Variants in DDT observed in about 807,000 individuals in gnomAD.
The protein encoded by DDT is D-dopachrome decarboxylase.
A neutral mutation model predicts 2.5 loss-of-function variants in DDT; 4 were observed. The observed-to-expected ratio is 1.59, with a 90% confidence interval of 0.78 to 3.63. The LOEUF (loss-of-function observed/expected upper bound fraction) is 3.63. Among genes scored for constraint, DDT ranks in the 30% most tolerant of loss-of-function variants. The pLI, the probability that DDT is intolerant of heterozygous loss-of-function variation, is 0.01. For missense variants in DDT, 32 were observed against 30.0 expected (o/e 1.07, Z -0.15); for synonymous variants, 11 against 10.0 (o/e 1.10, Z -0.19).
chr22:23,971,736 C>T, intron 2 of DDT, 113 bp from the exon 3 acceptor site: 5 of 958,920 alleles, frequency 5.2e-6, no homozygotes, highest in Non-Finnish European at 7.7e-6. Context: ...CCTCAGTCCA[C>T]CAGGCATTTT....
rs112390687 is a variant in DDT at position 23,971,392 on chromosome 22, A to G, written c.*159T>C. 2.5e-6 allele frequency: 4 copies of G among 1,613,750 alleles called. No individual in the cohort carries two copies. Among genetic ancestry groups the G allele is most frequent in the Middle Eastern group, 3.3e-4 (2 of 6,058 alleles). On this transcript the variant is annotated 3_prime_UTR_variant, in exon 3 of 3. Coordinates refer to ENST00000398344, the MANE Select transcript of DDT (RefSeq NM_001084392.3). ...ATGTTTGAATGAGGAAGCTCTCTTC[A>G]TTTATTTCATATGAGGATGAAGAAG...
At chr22:23,972,655 A>ATC (rs1269476307) in intron 2 of DDT, 1 of 630,114 alleles carries the variant, frequency 1.6e-6, no homozygotes, top group African/African-American at 2.0e-5. Context: ...GGCTGACTGT[A>ATC]TTATTCCTCT....
At position 23,971,784 on chromosome 22, in the gene DDT, C is replaced by T. The variant is rs550623694; in HGVS notation, c.285-161G>A. 1.8e-5 allele frequency: 12 copies of T among 659,790 alleles called. No individual in the cohort carries two copies. In the South Asian group the frequency reaches 2.1e-4, roughly 12 times the overall value. The allele number at this position is 659,790 out of a possible 1,614,324, so 40.9% of individuals were successfully genotyped here. A position where few individuals can be genotyped will look rare whatever the true frequency, so the allele number is the denominator to read the frequency against. Reference sequence around the variant, plus strand: ...ATCCCAATAATGATTTTCCCCAACCCCCAGCAGGGCAGTGGGACACTCAGG... The same window carrying T: ...ATCCCAATAATGATTTTCCCCAACCTCCAGCAGGGCAGTGGGACACTCAGG... On this transcript the variant is annotated intron_variant, in intron 2 of 2. Transcript: ENST00000398344.
At position 23,971,512 on chromosome 22, in the gene DDT, C is replaced by G; in HGVS notation, c.*39G>C. 1 of 1,611,494 alleles carries G rather than the reference C, an allele frequency of 6.2e-7. No individual in the cohort carries two copies. The highest frequency in any genetic ancestry group is 1.7e-5 in the Admixed American group (1 of 59,786). On this transcript the variant is annotated 3_prime_UTR_variant, in exon 3 of 3. Transcript: ENST00000398344. The stretch of plus-strand genomic sequence containing the variant: ...TGCCAAGAGATCTCTCTGGAAGAAG[C>G]AGCCAGTTCACAGATGCCCTGGATC...
At chr22:23,972,848 C>A (rs2033932542) in intron 2 of DDT, 1 of 112,008 alleles carries the variant, frequency 8.9e-6, no homozygotes, top group African/African-American at 4.1e-5. Context: ...CATCCTCCCA[C>A]TTCAGCCTGC....
chr22:23,972,165 T>C (rs1288452718), intron 2 of DDT: 1 of 968,090 alleles, frequency 1.0e-6, no homozygotes, highest in African/African-American at 1.8e-5. Context: ...ATTGGCATAA[T>C]GGAGATTATC....
rs1389449149 is a variant in DDT at position 23,971,488 on chromosome 22, G to A, written c.*63C>T. The A allele has an allele frequency of 3.1e-6, 5 of 1,608,942 alleles. No individual in the cohort carries two copies. The African/African-American group carries it at 5.4e-5, about 17-fold the overall frequency. ...CTGGTTATCTCCAGGCCCTCACTCT[G>A]CCAAGAGATCTCTCTGGAAGAAGCA... On this transcript the variant is annotated 3_prime_UTR_variant, in exon 3 of 3. Transcript: ENST00000398344.
chr22:23,972,649 G>C (rs2033929533), intron 2 of DDT: 2 of 576,080 alleles, frequency 3.5e-6, no homozygotes, highest in Non-Finnish European at 4.5e-6. Context: ...ACAGGGGGCT[G>C]ACTGTATTAT....
At chr22:23,972,215 G>A (rs2033920252) in intron 2 of DDT, 2 of 912,434 alleles carry the variant, frequency 2.2e-6, no homozygotes, top group Non-Finnish European at 2.6e-6. Flanking sequence ...AGCAAAGGGA[G>A]AGTGGATAGG....
rs1386791190 is a variant in DDT, at chr22:23,972,121, C to CGG, written c.285-500_285-499dup. ...CTTGGGACAGCCTGGTTGGGGCGGG[C>CGG]GGGAGTATGAACAGCCTGTCTTCTC... On this transcript the variant is annotated intron_variant, in intron 2 of 2. Transcript: ENST00000398344. 1.2e-5 allele frequency: 12 copies of CGG among 969,002 alleles called. No individual in the cohort carries two copies. The East Asian group carries it at 1.1e-3, about 87-fold the overall frequency. The allele number at this position is 969,002 out of a possible 1,614,324, so 60.0% of individuals were successfully genotyped here.
At chr22:23,972,159 G>A (rs2033919474) in intron 2 of DDT, 5 of 969,982 alleles carry the variant, frequency 5.2e-6, no homozygotes, top group Non-Finnish European at 6.1e-6. Flanking sequence ...CATAAAATTG[G>A]CATAATGGAG....
chr22:23,975,610 CTTT>C (rs2033946094), upstream of DDT, among the ~76,000 whole-genome samples: 1 of 48,612 alleles, frequency 2.1e-5, no homozygotes, highest in Admixed American at 2.5e-4. Flanking sequence ...AGATTCTCTT[CTTT>C]ATTTTCTACA....
rs368846231 is a variant in DDT, at chr22:23,971,523, C to T, written c.*28G>A. On this transcript the variant is annotated 3_prime_UTR_variant, in exon 3 of 3. Transcript: ENST00000398344. ...CTCTCTGGAAGAAGCAGCCAGTTCA[C>T]AGATGCCCTGGATCCCTCCGTGCCC... 1 of 1,612,918 alleles carries T rather than the reference C, an allele frequency of 6.2e-7. No homozygotes were observed. The highest frequency in any genetic ancestry group is 2.2e-5 in the East Asian group (1 of 44,878).
intron 2 of DDT, 55 bp from the exon 3 acceptor site, chr22:23,971,678 GC>G: frequency 6.5e-7 from 1 of 1,530,400 alleles, no homozygotes; most frequent in South Asian, 1.2e-5. Context: ...ACCACATCTT[GC>G]AAGACCCCTG....
rs1383081707 is a variant in DDT, at chr22:23,972,653, G to GT, written c.285-1031dup. ...AACCCAGTGATACAGGGGGCTGACT[G>GT]TATTATTCCTCTGTAGCTTGAGGGA... On this transcript the variant is annotated intron_variant, in intron 2 of 2. Transcript: ENST00000398344. 1.2e-3 allele frequency: 727 copies of GT among 601,896 alleles called. 7 individuals are homozygous for GT. In the African/African-American group the frequency reaches 0.013, roughly 11 times the overall value. The allele number at this position is 601,896 out of a possible 1,614,324, so 37.3% of individuals were successfully genotyped here. A position where few individuals can be genotyped will look rare whatever the true frequency, so the allele number is the denominator to read the frequency against.
chr22:23,972,029 G>C (rs983218148), intron 2 of DDT: 2 of 361,464 alleles, frequency 5.5e-6, no homozygotes, highest in East Asian at 1.6e-4. Flanking sequence ...CGCCACTAAT[G>C]TCTGGGCCAT....
Position 23,971,610 on chromosome 22 carries a change from A to G in DDT, c.298T>C (p.Phe100Leu). ...ALGQDRILIRFFPLESWQIGK... is the reference protein window; with the variant it reads ...ALGQDRILIRLFPLESWQIGK... ...ATCTGCCAGGACTCCAAGGGGAAAA[A>G]GCGGATAAGTATCCTTCAGGAGACA... Residue 100 changes from phenylalanine to leucine, a missense_variant, in exon 3 of 3, where the codon TTT becomes CTT. Coordinates refer to ENST00000398344, the MANE Select transcript of DDT (RefSeq NM_001084392.3). 1 of 1,614,148 alleles carries G rather than the reference A, an allele frequency of 6.2e-7. No individual in the cohort carries two copies. The highest frequency in any genetic ancestry group is 8.5e-7 in the Non-Finnish European group (1 of 1,179,990).
In DDT at chr22:23,971,448, C is replaced by T. The variant is rs369650859; in HGVS notation, c.*103G>A. The T allele has an allele frequency of 1.8e-4, 286 of 1,607,124 alleles. 2 individuals are homozygous for T. The South Asian group carries it at 2.1e-3, about 12-fold the overall frequency. ...TATGTGATCACAGGAATGTTGCATG[C>T]GGGATAATCCAAAGCTGGTTATCTC... On this transcript the variant is annotated 3_prime_UTR_variant, in exon 3 of 3. Transcript: ENST00000398344.
Position 23,971,377 on chromosome 22 carries a change from G to A in DDT, c.*174C>T, listed in dbSNP as rs889718054. ...AGAAGGTAAGAAGTCATGTTTGAAT[G>A]AGGAAGCTCTCTTCATTTATTTCAT... On this transcript the variant is annotated 3_prime_UTR_variant, in exon 3 of 3. Coordinates refer to ENST00000398344, the MANE Select transcript of DDT (RefSeq NM_001084392.3). 2.5e-6 allele frequency: 4 copies of A among 1,614,068 alleles called. No individual in the cohort carries two copies. Among genetic ancestry groups the A allele is most frequent in the Admixed American group, 1.7e-5 (1 of 59,978 alleles).
Sources: gnomAD v4.1 joint callset for allele counts (sites outside exome capture counted in the v4.1 genomes callset) on GRCh38, gnomAD v4.1.1 for gene constraint, MANE v1.5 for transcripts, NCBI Gene and HGNC (gene_info 2026-07-23, HGNC 2026-07-21) for gene names.